The following CLMP variants were observed in gnomAD, a reference collection of about 807,000 sequenced individuals.
The protein encoded by CLMP is CXADR-like membrane protein.
A neutral mutation model predicts 45.2 loss-of-function variants in CLMP; 27 were observed. The ratio of observed to expected loss-of-function variants is 0.60; its 90% CI spans 0.44 to 0.82. The LOEUF (loss-of-function observed/expected upper bound fraction) is 0.82. Among genes scored for constraint, CLMP ranks in the 40% least tolerant of loss-of-function variants. The probability of loss-of-function intolerance (pLI) is 0.00; values close to 1 mark genes in which losing one functional copy is unlikely to be tolerated. For missense variants in CLMP, 403 were observed against 448.4 expected (o/e 0.90, Z 0.91); for synonymous variants, 167 against 171.4 (o/e 0.97, Z 0.20).
intron 5 of CLMP, among the ~76,000 whole-genome samples, chr11:123,077,435 G>A (rs188908858): frequency 6.6e-6 from 1 of 152,176 alleles, no homozygotes; most frequent in Admixed American, 6.5e-5. Flanking sequence ...GGGTTCAAGT[G>A]ATTCTCCTGC....
intron 1 of CLMP, among the ~76,000 whole-genome samples, chr11:123,120,940 C>T (rs1860807554): frequency 6.6e-6 from 1 of 151,914 alleles, no homozygotes; most frequent in Non-Finnish European, 1.5e-5. Context: ...TCCTTGGTAA[C>T]ATGGTGAAAC....
At chr11:123,092,301 C>CTTT (rs35001693) in intron 2 of CLMP, among the ~76,000 whole-genome samples, 4 of 148,890 alleles carry the variant, frequency 2.7e-5, no homozygotes, top group Non-Finnish European at 4.4e-5. Context: ...AAGACACACA[C>CTTT]TTTTTTTTCT....
intron 1 of CLMP, among the ~76,000 whole-genome samples, chr11:123,104,850 A>G (rs1008293824): frequency 1.7e-4 from 26 of 152,340 alleles, no homozygotes; most frequent in Admixed American, 5.9e-4. Flanking sequence ...AGAGATCATC[A>G]GTTTAACTTA....
chr11:123,116,517 G>A (rs1430548893), intron 1 of CLMP, among the ~76,000 whole-genome samples: 1 of 151,262 alleles, frequency 6.6e-6, no homozygotes. Context: ...ACATTGAGCC[G>A]AGATCACACC....
chr11:123,125,145 G>A (rs1043545354), intron 1 of CLMP, among the ~76,000 whole-genome samples: 1 of 152,146 alleles, frequency 6.6e-6, no homozygotes, highest in African/African-American at 2.4e-5. Flanking sequence ...CAATCCGCCT[G>A]CCTCGGCCTC....
At position 123,084,678 on chromosome 11, in the gene CLMP, G is replaced by T; in HGVS notation, c.222C>A (p.Asn74Lys). The change falls in exon 3 of 7, where the codon AAC becomes AAA. Residue 74 changes from asparagine (N) to lysine (K), a missense_variant. Coordinates refer to ENST00000448775, the MANE Select transcript of CLMP (RefSeq NM_024769.5). ...ITYSSRHVYNNLTEEQKGRVA... is the reference protein window; with the variant it reads ...ITYSSRHVYNKLTEEQKGRVA... The stretch of plus-strand genomic sequence containing the variant: ...CTCGGCCCTTCTGTTCCTCAGTCAA[G>T]TTATTGTAGACATGACGACTGGAGT... 6.2e-7 allele frequency: 1 copy of T among 1,614,214 alleles called. No homozygotes were observed. Among genetic ancestry groups the T allele is most frequent in the Non-Finnish European group, 8.5e-7 (1 of 1,180,046 alleles).
chr11:123,158,094 C>T (rs1229156085), intron 1 of CLMP, among the ~76,000 whole-genome samples: 1 of 152,140 alleles, frequency 6.6e-6, no homozygotes, highest in South Asian at 2.1e-4. Context: ...ACTCAAACTC[C>T]GACACCCAGC....
chr11:123,159,047 A>G (rs1446089204), intron 1 of CLMP, among the ~76,000 whole-genome samples: 1 of 152,216 alleles, frequency 6.6e-6, no homozygotes, highest in Non-Finnish European at 1.5e-5. Context: ...CAGTTCATGA[A>G]GTAGTTGCTA....
At chr11:123,114,727 G>A (rs1466610467) in intron 1 of CLMP, among the ~76,000 whole-genome samples, 1 of 151,972 alleles carries the variant, frequency 6.6e-6, no homozygotes, top group Non-Finnish European at 1.5e-5. Context: ...AGTAATTTTT[G>A]AGGACTTATT....
At chr11:123,162,929 A>G (rs558539377) in intron 1 of CLMP, among the ~76,000 whole-genome samples, 32 of 152,024 alleles carry the variant, frequency 2.1e-4, no homozygotes, top group African/African-American at 7.2e-4. Flanking sequence ...GAAGAAAACC[A>G]AAAAATAAAA....
intron 1 of CLMP, among the ~76,000 whole-genome samples, chr11:123,157,574 C>T (rs1194532309): frequency 1.3e-5 from 2 of 151,896 alleles, no homozygotes; most frequent in East Asian, 3.9e-4. Context: ...CCAAAATTAG[C>T]TGGGCATGGT....
At chr11:123,153,743 C>T (rs1233330031) in intron 1 of CLMP, among the ~76,000 whole-genome samples, 1 of 152,034 alleles carries the variant, frequency 6.6e-6, no homozygotes, top group Non-Finnish European at 1.5e-5. Flanking sequence ...AGTGCAGTGG[C>T]ACGATCTCAG....
At chr11:123,163,451 A>G (rs1861513547) in intron 1 of CLMP, among the ~76,000 whole-genome samples, 1 of 152,200 alleles carries the variant, frequency 6.6e-6, no homozygotes, top group Admixed American at 6.5e-5. Flanking sequence ...CCTGAGCTGG[A>G]GATAGCAGGA....
chr11:123,154,985 T>C (rs1234688606), intron 1 of CLMP, among the ~76,000 whole-genome samples: 2 of 152,190 alleles, frequency 1.3e-5, no homozygotes, highest in African/African-American at 2.4e-5. Context: ...GAATAGATGA[T>C]ACAGAAATCG....
chr11:123,190,001 CAAAA>C (rs10594946), intron 1 of CLMP, among the ~76,000 whole-genome samples: 12,780 of 129,074 alleles, frequency 0.099, 1,184 homozygotes, highest in African/African-American at 0.31. Flanking sequence ...GACTCTGTCT[CAAAA>C]AAAAAAAAAA....
intron 1 of CLMP, among the ~76,000 whole-genome samples, chr11:123,184,108 CT>C (rs990686225): frequency 6.6e-6 from 1 of 152,098 alleles, no homozygotes; most frequent in African/African-American, 2.4e-5. Context: ...TTAATTATTA[CT>C]TTTTTTGATT....
intron 1 of CLMP, among the ~76,000 whole-genome samples, chr11:123,103,961 C>T (rs536084287): frequency 2.6e-4 from 39 of 150,530 alleles, no homozygotes; most frequent in African/African-American, 9.5e-4. Context: ...TCCTGAGTAG[C>T]GGGGATTACA....
chr11:123,164,797 C>T (rs904783554), intron 1 of CLMP, among the ~76,000 whole-genome samples: 1 of 152,050 alleles, frequency 6.6e-6, no homozygotes. Flanking sequence ...AAAGTAAGTG[C>T]TCAAAACATT....
At chr11:123,110,678 C>T (rs1379564724) in intron 1 of CLMP, among the ~76,000 whole-genome samples, 1 of 152,028 alleles carries the variant, frequency 6.6e-6, no homozygotes, top group East Asian at 1.9e-4. Flanking sequence ...GGGCGTCAGT[C>T]AAGGGGGGCC....
Sources: allele counts gnomAD v4.1 joint callset (sites outside exome capture counted in the v4.1 genomes callset), GRCh38; gene constraint gnomAD v4.1.1; transcripts MANE v1.5; gene names NCBI Gene and HGNC (gene_info 2026-07-23, HGNC 2026-07-21).